Variants in TRIP11 observed in about 807,000 individuals in gnomAD.
TRIP11 encodes thyroid receptor-interacting protein 11.
Under a neutral mutation model 223.1 loss-of-function variants are expected in TRIP11, and 148 were observed. That is an observed-to-expected ratio of 0.66 (90% CI 0.58 to 0.76). The LOEUF is 0.76. Ranked by LOEUF, TRIP11 falls within the 30% of genes least tolerant of loss-of-function variation. The pLI is 0.00. For missense variants in TRIP11, 2,043 were observed against 2,222.0 expected (o/e 0.92, Z 1.62); for synonymous variants, 762 against 772.6 (o/e 0.99, Z 0.23).
rs2057366106 is a variant in TRIP11, at chr14:92,039,898, A to G, written c.-213T>C. 2 of 882,926 alleles carry G rather than the reference A, an allele frequency of 2.3e-6. No individual in the cohort carries two copies. The highest frequency in any genetic ancestry group is 1.7e-6 in the Non-Finnish European group (1 of 589,746). 54.7% of individuals were successfully genotyped at this position (882,926 alleles called of 1,614,324 possible). On this transcript the variant is annotated 5_prime_UTR_variant, in exon 1 of 21. Coordinates refer to ENST00000267622, the MANE Select transcript of TRIP11 (RefSeq NM_004239.4). ...TTACCAGGGGCCCGCCTCTAGTGAC[A>G]CAGTCACCTACGGAGGGCCTTCTGC...
At chr14:92,016,078 G>T (rs532067720) in intron 5 of TRIP11, among the ~76,000 whole-genome samples, 1 of 152,234 alleles carries the variant, frequency 6.6e-6, no homozygotes, top group African/African-American at 2.4e-5. Flanking sequence ...TACTTCTAAT[G>T]AGGGAACATC....
rs777903973 is a variant in TRIP11 at position 92,006,245 on chromosome 14, G to A, written c.1731C>T (p.Thr577=). Residue 577 remains threonine, a synonymous_variant, in exon 11 of 21, where the codon ACC becomes ACT. Coordinates refer to ENST00000267622, the MANE Select transcript of TRIP11 (RefSeq NM_004239.4). The stretch of plus-strand genomic sequence containing the variant: ...CTACTTTGTCCTCAAGTTTCTGCTT[G>A]GTTAAATGTAAATCATTTAGGGCCA... ...SEVALNDLHL[T]KQKLEDKVEN... The A allele has an allele frequency of 2.5e-6, 4 of 1,612,392 alleles. No individual in the cohort carries two copies. The East Asian group carries it at 8.9e-5, about 36-fold the overall frequency.
At chr14:92,024,228 A>C (rs1278668564) in intron 3 of TRIP11, among the ~76,000 whole-genome samples, 1 of 152,084 alleles carries the variant, frequency 6.6e-6, no homozygotes, top group Admixed American at 6.6e-5. Context: ...AAATTCAAAA[A>C]TTAGCCAGGC....
rs17807355 is a variant in TRIP11 at position 92,037,887 on chromosome 14, T to G, written c.139+1660A>C. 0.025 allele frequency among the ~76,000 whole-genome samples: 3,774 copies of G among 152,258 alleles called. 72 individuals carry two copies. Among genetic ancestry groups the G allele is most frequent in the Middle Eastern group, 0.044 (13 of 294 alleles). On this transcript the variant is annotated intron_variant, in intron 1 of 20. Transcript: ENST00000267622. This position sits in a 1 kb window ranked among gnomAD's most constrained non-coding sequence, Gnocchi z 4.2. ...GAGACTCAGTCCAAAACTAAGAGGT[T>G]TGGATTTTATTCTGTAACAGGGTCA...
chr14:91,983,522 A>G (rs1259135258), intron 16 of TRIP11, among the ~76,000 whole-genome samples: 11 of 152,184 alleles, frequency 7.2e-5, no homozygotes, highest in Non-Finnish European at 1.5e-4. Context: ...AACTTAGAGG[A>G]ATTTTTTTAA....
At position 91,969,361 on chromosome 14, in the gene TRIP11, T is replaced by TA. The variant is rs1466390345; in HGVS notation, c.*311dup. ...TGAGCTTGGAAATCACAAAAGGAAATAAAAAGCTGCCATATAGCTACTAGT... is the reference window on the plus strand; with the variant it reads ...TGAGCTTGGAAATCACAAAAGGAAATAAAAAAGCTGCCATATAGCTACTAGT... On this transcript the variant is annotated 3_prime_UTR_variant, in exon 21 of 21. Coordinates refer to ENST00000267622, the MANE Select transcript of TRIP11 (RefSeq NM_004239.4). 2.7e-6 allele frequency: 1 copy of TA among 365,312 alleles called. No individual in the cohort carries two copies. 22.6% of individuals were successfully genotyped at this position (365,312 alleles called of 1,614,324 possible). A position where few individuals can be genotyped will look rare whatever the true frequency, so the allele number is the denominator to read the frequency against.
intron 2 of TRIP11, among the ~76,000 whole-genome samples, chr14:92,028,763 C>CA (rs1460148873): frequency 6.6e-6 from 1 of 152,162 alleles, no homozygotes; most frequent in African/African-American, 2.4e-5. Context: ...TCCTGATGGC[C>CA]TCCAGTTCTA....
intron 5 of TRIP11, among the ~76,000 whole-genome samples, chr14:92,016,757 A>G (rs1782234876): frequency 6.6e-6 from 1 of 152,230 alleles, no homozygotes; most frequent in African/African-American, 2.4e-5. Context: ...TCCATTGATA[A>G]TAAAACAGAA....
At position 91,999,287 on chromosome 14, in the gene TRIP11, T is replaced by C; in HGVS notation, c.4845A>G (p.Val1615=). Residue 1615 remains valine (V), a synonymous_variant, in exon 13 of 21, where the codon GTA becomes GTG. Transcript: ENST00000267622. ...AGGATGAAACTAGCTTTTCCTCCAA[T>C]ACTGTGACTTTCTTTCTTAGTTTAG... ...REAKLRKKVT[V]LEEKLVSSSN... is the part of the protein sequence containing the mutation. 6.2e-7 allele frequency: 1 copy of C among 1,613,894 alleles called. No homozygotes were observed. The highest frequency in any genetic ancestry group is 1.1e-5 in the South Asian group (1 of 91,084).
intron 16 of TRIP11, among the ~76,000 whole-genome samples, chr14:91,977,993 T>C (rs1055094170): frequency 6.6e-6 from 1 of 152,138 alleles, no homozygotes; most frequent in African/African-American, 2.4e-5. Context: ...GAACTTTTCC[T>C]TTCCTGTCTT....
chr14:92,036,634 C>T (rs2057328343), intron 1 of TRIP11, among the ~76,000 whole-genome samples: 1 of 152,168 alleles, frequency 6.6e-6, no homozygotes, highest in Admixed American at 6.5e-5. Flanking sequence ...TTCAAGTTGT[C>T]CACATAGTGC....
intron 13 of TRIP11, among the ~76,000 whole-genome samples, chr14:91,997,610 G>C (rs1291463692): frequency 1.3e-5 from 2 of 151,890 alleles, no homozygotes; most frequent in Non-Finnish European, 2.9e-5. Flanking sequence ...CAACTTGCAG[G>C]GGATCAGGTT....
At chr14:92,013,064 C>T (rs530911192) in intron 7 of TRIP11, among the ~76,000 whole-genome samples, 15 of 152,188 alleles carry the variant, frequency 9.9e-5, no homozygotes, top group Admixed American at 2.6e-4. Flanking sequence ...GTCAAGAGAT[C>T]GAGATCATCC....
Position 92,021,606 on chromosome 14 carries a change from C to T in TRIP11, c.538G>A (p.Glu180Lys). The change falls in exon 4 of 21, where the codon GAA becomes AAA. Residue 180 changes from glutamate (E) to lysine (K), a missense_variant. By Grantham distance (56) the Glu-to-Lys change is moderately conservative. Transcript: ENST00000267622. ...SQQEINRLSN[E>K]VSRLESEVGH... is the part of the protein sequence containing the mutation. ...ACTTCAGACTCAAGTCTTGAAACTT[C>T]ATTTGAGAGTCGGTTTATTTCTTGT... is the stretch of plus-strand genomic sequence containing the variant. The T allele has an allele frequency of 6.2e-7, 1 of 1,614,168 alleles. No individual in the cohort carries two copies. The highest frequency in any genetic ancestry group is 8.5e-7 in the Non-Finnish European group (1 of 1,180,022).
intron 2 of TRIP11, among the ~76,000 whole-genome samples, chr14:92,027,122 A>G (rs754442235): frequency 6.1e-4 from 93 of 152,050 alleles, no homozygotes; most frequent in Non-Finnish European, 1.8e-4. Context: ...TTTTTTCTTA[A>G]AAGTATTTTA....
At chr14:92,016,953 T>C (rs1316638354) in intron 5 of TRIP11, among the ~76,000 whole-genome samples, 1 of 152,166 alleles carries the variant, frequency 6.6e-6, no homozygotes, top group East Asian at 1.9e-4. Flanking sequence ...AACTAAGACT[T>C]TTCTTTAAAG....
chr14:91,966,990 G>A lies in TRIP11; in HGVS notation c.*2683C>T, dbSNP rs1411189529. 5.0e-6 allele frequency: 1 copy of A among 202,010 alleles called. No individual in the cohort carries two copies. Among genetic ancestry groups the A allele is most frequent in the Non-Finnish European group, 1.0e-5 (1 of 98,350 alleles). 12.5% of individuals were successfully genotyped at this position (202,010 alleles called of 1,614,324 possible). A position where few individuals can be genotyped will look rare whatever the true frequency, so the allele number is the denominator to read the frequency against. On this transcript the variant is annotated 3_prime_UTR_variant, in exon 21 of 21. Coordinates refer to ENST00000267622, the MANE Select transcript of TRIP11 (RefSeq NM_004239.4). ...TGCTTCATCACTGGTTACTAAGACG[G>A]TTCAGTGAGCAGGTGGTTCATCTCT... is the stretch of plus-strand genomic sequence containing the variant.
intron 20 of TRIP11, among the ~76,000 whole-genome samples, chr14:91,972,029 T>C (rs2056406564): frequency 6.6e-6 from 1 of 152,234 alleles, no homozygotes; most frequent in Non-Finnish European, 1.5e-5. Flanking sequence ...AGAATTTGTT[T>C]ATAGTCCAAC....
intron 16 of TRIP11, among the ~76,000 whole-genome samples, chr14:91,979,791 C>T (rs72705390): frequency 0.015 from 2,325 of 152,050 alleles, 29 homozygotes; most frequent in Non-Finnish European, 0.027. Flanking sequence ...CTTCAAGCAC[C>T]CTTATTTTCC....
Sources: gnomAD v4.1 joint callset for allele counts (sites outside exome capture counted in the v4.1 genomes callset) on GRCh38, gnomAD v4.1.1 for gene constraint, Gnocchi (gnomAD v3.1) non-coding constraint, MANE v1.5 for transcripts, NCBI Gene and HGNC (gene_info 2026-07-23, HGNC 2026-07-21) for gene names.